The following NRXN3 variants were observed in gnomAD, a reference collection of about 807,000 sequenced individuals.
The protein encoded by NRXN3 is neurexin 3.
NRXN3 carries 32 observed loss-of-function variants against 137.6 expected under a neutral mutation model. The ratio of observed to expected loss-of-function variants is 0.23; its 90% CI spans 0.18 to 0.31. The LOEUF (loss-of-function observed/expected upper bound fraction) is 0.31, where lower values mean the gene tolerates loss of function less well. Ranked by LOEUF, NRXN3 falls within the 10% of genes least tolerant of loss-of-function variation. The pLI is 1.00. For missense variants in NRXN3, 1,574 were observed against 2,062.5 expected, an observed-to-expected ratio of 0.76 and a Z score of 4.59; for synonymous variants, 798 against 784.5, an observed-to-expected ratio of 1.02 and a Z score of -0.29.
intron 4 of NRXN3, among the ~76,000 whole-genome samples, chr14:78,304,186 A>G (rs985660692): frequency 2.6e-5 from 4 of 152,176 alleles, no homozygotes; most frequent in African/African-American, 9.7e-5. Context: ...TTCTGGCTCC[A>G]CTTCCCTCCT....
intron 4 of NRXN3, among the ~76,000 whole-genome samples, chr14:78,610,843 A>T (rs1017935827): frequency 2.0e-5 from 3 of 152,228 alleles, no homozygotes; most frequent in Non-Finnish European, 4.4e-5. Context: ...GCTGCTGTAG[A>T]ATATGAGTTG....
rs566679947 is a variant in NRXN3, at chr14:79,742,125, G to GA, written c.4014+44193dup. On this transcript the variant is annotated intron_variant, in intron 19 of 20. Coordinates refer to ENST00000335750, the MANE Select transcript of NRXN3 (RefSeq NM_001330195.2). ...CCTTTGCAATATAGTGTGGCAGACA[G>GA]AAAAATGTATGAAATTAATTCTTTT... 4.6e-3 allele frequency among the ~76,000 whole-genome samples: 700 copies of GA among 152,252 alleles called. 38 individuals carry two copies. The South Asian group carries it at 0.13, about 28-fold the overall frequency.
chr14:79,067,433 T>C (rs2152695006), intron 15 of NRXN3, among the ~76,000 whole-genome samples: 1 of 152,236 alleles, frequency 6.6e-6, no homozygotes, highest in South Asian at 2.1e-4. Context: ...TTTCTTTTTT[T>C]GTTGTGTCTC....
At chr14:78,233,808 C>A (rs1026163604) in intron 1 of NRXN3, among the ~76,000 whole-genome samples, 2 of 151,946 alleles carry the variant, frequency 1.3e-5, no homozygotes, top group Non-Finnish European at 1.5e-5. Flanking sequence ...TATAGAGACT[C>A]ATGTATGACT....
chr14:78,559,245 A>AT (rs1461387660), intron 4 of NRXN3, among the ~76,000 whole-genome samples: 2 of 152,128 alleles, frequency 1.3e-5, no homozygotes, highest in Non-Finnish European at 2.9e-5. Context: ...TTTTCTTGTT[A>AT]TTTATTTAAA....
chr14:79,291,100 T>G (rs2083115081), intron 15 of NRXN3, among the ~76,000 whole-genome samples: 1 of 152,172 alleles, frequency 6.6e-6, no homozygotes, highest in Non-Finnish European at 1.5e-5. Flanking sequence ...AATTATTATA[T>G]ATCTTTTTTC....
At chr14:79,104,735 C>G (rs776951670) in intron 15 of NRXN3, among the ~76,000 whole-genome samples, 29 of 151,976 alleles carry the variant, frequency 1.9e-4, no homozygotes, top group Non-Finnish European at 3.7e-4. Context: ...CATCACTTTC[C>G]TATTTATCAC....
At position 79,122,102 on chromosome 14, in the gene NRXN3, G is replaced by A. The variant is rs147668081; in HGVS notation, c.3262+133961G>A. The stretch of plus-strand genomic sequence containing the variant: ...CTTTTTGTCTTGCAATGCATTCTGT[G>A]TACTGGTGAAGAAGTTTTGACCACG... On this transcript the variant is annotated intron_variant, in intron 15 of 20. Coordinates refer to ENST00000335750, the MANE Select transcript of NRXN3 (RefSeq NM_001330195.2). 2.6e-5 allele frequency among the ~76,000 whole-genome samples: 4 copies of A among 152,248 alleles called. No individual in the cohort carries two copies. The East Asian group carries it at 7.7e-4, about 29-fold the overall frequency.
intron 15 of NRXN3, among the ~76,000 whole-genome samples, chr14:79,116,194 A>G (rs2054406095): frequency 6.6e-6 from 1 of 152,114 alleles, no homozygotes; most frequent in Non-Finnish European, 1.5e-5. Context: ...ACCTGGGTGG[A>G]AAGGGAAAGA....
intron 4 of NRXN3, among the ~76,000 whole-genome samples, chr14:78,469,877 TCTTC>T (rs375205165): frequency 1.3e-3 from 191 of 152,356 alleles, no homozygotes; most frequent in African/African-American, 3.9e-3. Context: ...TAAAACTGCC[TCTTC>T]CTTGATTTTG....
chr14:78,492,874 C>T (rs984241117), intron 4 of NRXN3, among the ~76,000 whole-genome samples: 2 of 152,196 alleles, frequency 1.3e-5, no homozygotes, highest in African/African-American at 4.8e-5. Flanking sequence ...TGTGTTCAAG[C>T]TAAGCATATG....
intron 10 of NRXN3, among the ~76,000 whole-genome samples, chr14:78,883,558 A>G (rs902063962): frequency 6.6e-6 from 1 of 152,236 alleles, no homozygotes; most frequent in Non-Finnish European, 1.5e-5. Flanking sequence ...TACTTCTAAT[A>G]TCCTTCAAGG....
At chr14:79,445,784 C>A (rs1181142519) in intron 15 of NRXN3, among the ~76,000 whole-genome samples, 1 of 152,006 alleles carries the variant, frequency 6.6e-6, no homozygotes, top group East Asian at 1.9e-4. Flanking sequence ...AAGTATGAGG[C>A]CAGGTAAAGT....
At chr14:79,236,144 G>T (rs777877698) in intron 15 of NRXN3, among the ~76,000 whole-genome samples, 1 of 152,088 alleles carries the variant, frequency 6.6e-6, no homozygotes, top group Non-Finnish European at 1.5e-5. Context: ...TGTGAAAAAT[G>T]AGTTATATTT....
intron 15 of NRXN3, among the ~76,000 whole-genome samples, chr14:78,993,232 G>A (rs752865587): frequency 2.0e-5 from 3 of 152,228 alleles, no homozygotes; most frequent in Middle Eastern, 3.4e-3. Context: ...GTAGGTTGGT[G>A]TATTGATTAA....
At chr14:78,192,107 T>TGTGA (rs796435942) in intron 1 of NRXN3, among the ~76,000 whole-genome samples, 12,944 of 139,712 alleles carry the variant, frequency 0.093, 654 homozygotes, top group East Asian at 0.14. Flanking sequence ...TGTGTGTGTG[T>TGTGA]GAGAGAGAGA....
chr14:78,359,967 T>C (rs1315687807), intron 4 of NRXN3, among the ~76,000 whole-genome samples: 3 of 152,190 alleles, frequency 2.0e-5, no homozygotes, highest in Non-Finnish European at 1.5e-5. Context: ...TCTGGCACTT[T>C]TCCCTCACCT....
chr14:78,767,581 A>G (rs1326090209), intron 8 of NRXN3, among the ~76,000 whole-genome samples: 1 of 152,214 alleles, frequency 6.6e-6, no homozygotes, highest in African/African-American at 2.4e-5. Flanking sequence ...TAATTGTTAC[A>G]GTGAAATTAG....
At chr14:79,402,009 C>T (rs1015190491) in intron 15 of NRXN3, among the ~76,000 whole-genome samples, 7 of 152,208 alleles carry the variant, frequency 4.6e-5, no homozygotes, top group Middle Eastern at 3.4e-3. Flanking sequence ...TTCGAATTCC[C>T]GGGTTTAAGC....
Sources: gnomAD v4.1 joint callset for allele counts (sites outside exome capture counted in the v4.1 genomes callset) on GRCh38, gnomAD v4.1.1 for gene constraint, MANE v1.5 for transcripts, NCBI Gene and HGNC (gene_info 2026-07-23, HGNC 2026-07-21) for gene names.